The following S100B variants were observed in gnomAD, a reference collection of about 807,000 sequenced individuals.
S100B encodes the protein S100 calcium binding protein B, also known as protein S100-B.
S100B carries 6 observed loss-of-function variants against 7.7 expected under a neutral mutation model. The ratio of observed to expected loss-of-function variants is 0.78; its 90% confidence interval spans 0.43 to 1.54. The LOEUF (loss-of-function observed/expected upper bound fraction) is 1.54, where lower values mean the gene tolerates loss of function less well. Among genes scored for constraint, S100B ranks in the 40% most tolerant of loss-of-function variants. The pLI is 0.01. For synonymous variants in S100B, 36 were observed against 40.4 expected (o/e 0.89, Z 0.41); for missense variants, 99 against 111.8 (o/e 0.89, Z 0.52).
At chr21:46,602,710 CTG>C in intron 1 of S100B, 1 of 277,554 alleles carries the variant, frequency 3.6e-6, no homozygotes, top group Non-Finnish European at 6.8e-6. Flanking sequence ...AACAGGGAAA[CTG>C]GCAAAAATAC....
chr21:46,599,230 C>G lies in S100B; in HGVS notation c.*133G>C. On this transcript the variant is annotated 3_prime_UTR_variant, in exon 3 of 3. Transcript: ENST00000291700. ...AAAGAGGTTTTCAATTTTTCAATCA[C>G]AAAGCAAATCAAGCTTCCTAATTAG... is the stretch of plus-strand genomic sequence containing the variant. 6.0e-6 allele frequency: 5 copies of G among 834,758 alleles called. No homozygotes were observed. Among genetic ancestry groups the G allele is most frequent in the Non-Finnish European group, 9.6e-6 (5 of 521,676 alleles). 51.7% of individuals were successfully genotyped at this position (834,758 alleles called of 1,614,324 possible). A position where few individuals can be genotyped will look rare whatever the true frequency, so the allele number is the denominator to read the frequency against.
intron 1 of S100B, among the ~76,000 whole-genome samples, chr21:46,603,631 G>T (rs1047022393): frequency 6.6e-6 from 1 of 152,080 alleles, no homozygotes. Context: ...GAACGTTTGC[G>T]CTGTCATAAT....
chr21:46,602,462 C>A (rs2186358), intron 1 of S100B, 46 bp from the exon 2 acceptor site: 1,241,144 of 1,586,718 alleles, frequency 0.78, 487,182 homozygotes, highest in East Asian at 0.9. Context: ...ATACCTCATC[C>A]TAAAACATTT....
rs776783001 is a variant in S100B, at chr21:46,602,303, T to C, written c.113A>G (p.Asn38Ser). 47 of 1,613,080 alleles carry C rather than the reference T, an allele frequency of 2.9e-5. No individual in the cohort carries two copies. Among genetic ancestry groups the C allele is most frequent in the Non-Finnish European group, 3.6e-5 (43 of 1,179,204 alleles). Residue 38 changes from asparagine to serine, a missense_variant, in exon 2 of 3, where the codon AAC (asparagine) becomes AGC (serine). Coordinates refer to ENST00000291700, the MANE Select transcript of S100B (RefSeq NM_006272.3). ...CTCTAAGAAATGGGAAAGCTCATTG[T>C]TGATGAGCTCCTTCAGTTCGGATTT... ...LKKSELKELI[N>S]NELSHFLEEI...
rs1555923741 is a variant in S100B at position 46,603,392 on chromosome 21, A to AGGGGGGGGCGGGAGGGGGGGGCGGGGG, written c.-1-977_-1-976insCCCCCGCCCCCCCCTCCCGCCCCCCCC. 5.2e-5 allele frequency among the ~76,000 whole-genome samples: 2 copies of AGGGGGGGGCGGGAGGGGGGGGCGGGGG among 38,206 alleles called. 1 individual carries two copies. The highest frequency in any genetic ancestry group is 9.8e-5 in the Non-Finnish European group (2 of 20,390). 25.1% of individuals were successfully genotyped at this position (38,206 alleles called of 152,430 possible). ...TCACTGCAGTGACTGGGACGGCGGG[A>AGGGGGGGGCGGGAGGGGGGGGCGGGGG]GGGGGTGGGGGCAGGAATAGGTGTT... On this transcript the variant is annotated intron_variant, in intron 1 of 2. Transcript: ENST00000291700.
rs1293505814 is a variant in S100B at position 46,599,384 on chromosome 21, G to A, written c.258C>T (p.His86=). 5.0e-6 allele frequency: 8 copies of A among 1,613,760 alleles called. No individual in the cohort carries two copies. In the African/African-American group the frequency reaches 6.7e-5, roughly 13 times the overall value. ...AFVAMVTTAC[H]EFFEHE ...AATCTCACTCATGTTCAAAGAACTC[G>A]TGGCAGGCAGTAGTAACCATGGCAA... The change falls in exon 3 of 3, where the codon CAC becomes CAT. Residue 86 remains histidine (H), a synonymous_variant. Coordinates refer to ENST00000291700, the MANE Select transcript of S100B (RefSeq NM_006272.3).
intron 2 of S100B, among the ~76,000 whole-genome samples, chr21:46,600,563 C>G (rs1249701621): frequency 6.6e-6 from 1 of 151,994 alleles, no homozygotes; most frequent in Non-Finnish European, 1.5e-5. Context: ...AAAAAGTAAA[C>G]AAAACATACA....
chr21:46,604,350 C>A (rs1159275965), intron 1 of S100B, among the ~76,000 whole-genome samples: 1 of 152,154 alleles, frequency 6.6e-6, no homozygotes, highest in African/African-American at 2.4e-5. Context: ...AACTTTAACT[C>A]CTTAGAAAGA....
intron 2 of S100B, among the ~76,000 whole-genome samples, chr21:46,600,923 G>T (rs1353932472): frequency 2.6e-5 from 4 of 152,224 alleles, no homozygotes. Flanking sequence ...CAGAAGGCAA[G>T]ATTGGTGGAA....
In S100B at chr21:46,599,016, G is replaced by A. The variant is rs142805831; in HGVS notation, c.*347C>T. The A allele has an allele frequency of 1.9e-3, 474 of 246,860 alleles. 11 individuals are homozygous for A. The East Asian group carries it at 0.04, about 21-fold the overall frequency. The allele number at this position is 246,860 out of a possible 1,614,324, so 15.3% of individuals were successfully genotyped here. On this transcript the variant is annotated 3_prime_UTR_variant, in exon 3 of 3. Coordinates refer to ENST00000291700, the MANE Select transcript of S100B (RefSeq NM_006272.3). ...AGTGGAAGTTTTAAGGGTGCCCCGG[G>A]GTAATTTCTGTAGTCAGGGTTCCCT...
intron 1 of S100B, among the ~76,000 whole-genome samples, chr21:46,603,398 T>TGGGGGGTGGGGGGGGCGGGGGGGGGGGC: frequency 4.8e-4 from 25 of 52,126 alleles, no homozygotes; most frequent in African/African-American, 1.6e-3. Flanking sequence ...CGGGAGGGGG[T>TGGGGGGTGGGGGGGGCGGGGGGGGGGGC]GGGGGCAGGA....
intron 2 of S100B, 131 bp from the exon 3 acceptor site, chr21:46,599,634 C>A: frequency 1.2e-6 from 1 of 845,172 alleles, no homozygotes; most frequent in South Asian, 1.4e-5. Flanking sequence ...TGCAAAATAT[C>A]AGAAAAGATG....
At chr21:46,604,750 T>C (rs922762351) in intron 1 of S100B, among the ~76,000 whole-genome samples, 1 of 152,210 alleles carries the variant, frequency 6.6e-6, no homozygotes, top group Non-Finnish European at 1.5e-5. Context: ...CAACAATCAC[T>C]TCTGGGCCAT....
chr21:46,603,393 G>GGGGGTGGGGGGAGGGGGGGGCGGGGGGC (rs1484017772), intron 1 of S100B, among the ~76,000 whole-genome samples: 2 of 57,532 alleles, frequency 3.5e-5, no homozygotes, highest in African/African-American at 5.6e-5. Flanking sequence ...GACGGCGGGA[G>GGGGGTGGGGGGAGGGGGGGGCGGGGGGC]GGGGTGGGGG....
Position 46,599,315 on chromosome 21 carries a change from C to T in S100B, c.*48G>A. The T allele has an allele frequency of 6.3e-7, 1 of 1,586,796 alleles. No homozygotes were observed. Among genetic ancestry groups the T allele is most frequent in the Non-Finnish European group, 8.6e-7 (1 of 1,161,176 alleles). ...GCTGCAAGCCCTTGCTGTCTGCTTT[C>T]TTGCATGACCGTCTCTGTTACAGGA... On this transcript the variant is annotated 3_prime_UTR_variant, in exon 3 of 3. Transcript: ENST00000291700.
At chr21:46,600,950 G>A (rs1339552733) in intron 2 of S100B, among the ~76,000 whole-genome samples, 1 of 152,232 alleles carries the variant, frequency 6.6e-6, no homozygotes, top group African/African-American at 2.4e-5. Flanking sequence ...AACTGCATGT[G>A]TGAGTGGGAC....
chr21:46,602,338 G>A lies in S100B; in HGVS notation c.78C>T (p.His26=), dbSNP rs1488151277. 3 of 1,613,846 alleles carry A rather than the reference G, an allele frequency of 1.9e-6. No individual in the cohort carries two copies. The Admixed American group carries it at 5.0e-5, about 27-fold the overall frequency. The change falls in exon 2 of 3, where the codon CAC becomes CAT. Residue 26 remains histidine (H), a synonymous_variant. Coordinates refer to ENST00000291700, the MANE Select transcript of S100B (RefSeq NM_006272.3). ...CCTTCAGTTCGGATTTCTTCAGCTT[G>A]TGCTTGTCTCCCTCCCTTCCAGAAT... ...HQYSGREGDK[H]KLKKSELKEL...
At chr21:46,603,170 A>T (rs1337671293) in intron 1 of S100B, among the ~76,000 whole-genome samples, 1 of 151,958 alleles carries the variant, frequency 6.6e-6, no homozygotes, top group African/African-American at 2.4e-5. Context: ...CATCAGGAAA[A>T]ATAAATATGG....
At position 46,599,218 on chromosome 21, in the gene S100B, A is replaced by G. The variant is rs2061034613; in HGVS notation, c.*145T>C. 2.6e-6 allele frequency: 2 copies of G among 769,738 alleles called. No individual in the cohort carries two copies. The highest frequency in any genetic ancestry group is 3.5e-5 in the African/African-American group (2 of 57,054). The allele number at this position is 769,738 out of a possible 1,614,324, so 47.7% of individuals were successfully genotyped here. A position where few individuals can be genotyped will look rare whatever the true frequency, so the allele number is the denominator to read the frequency against. On this transcript the variant is annotated 3_prime_UTR_variant, in exon 3 of 3. Transcript: ENST00000291700. ...AACAGCCTTTGGAAAGAGGTTTTCA[A>G]TTTTTCAATCACAAAGCAAATCAAG...
Sources: gnomAD v4.1 joint callset for allele counts (sites outside exome capture counted in the v4.1 genomes callset) on GRCh38, gnomAD v4.1.1 for gene constraint, MANE v1.5 for transcripts, NCBI Gene and HGNC (gene_info 2026-07-23, HGNC 2026-07-21) for gene names.